LSM4: variants seen among roughly 807,000 people sequenced by gnomAD.
The protein encoded by LSM4 is U6 snRNA-associated Sm-like protein LSm4.
LSM4 carries 15 observed loss-of-function variants against 22.3 expected under a neutral mutation model. The observed-to-expected ratio is 0.67, with a 90% CI of 0.45 to 1.03. LSM4 has a LOEUF of 1.03. Among genes scored for constraint, LSM4 ranks in the 50% least tolerant of loss-of-function variants. The pLI, the probability that LSM4 is intolerant of heterozygous loss-of-function variation, is 0.00. For synonymous variants in LSM4, 90 were observed against 79.8 expected, an observed-to-expected ratio of 1.13 and a Z score of -0.68; for missense variants, 127 against 198.0, an observed-to-expected ratio of 0.64 and a Z score of 2.15.
At chr19:18,320,974 A>T (rs1970419170) in intron 1 of LSM4, among the ~76,000 whole-genome samples, 2 of 152,218 alleles carry the variant, frequency 1.3e-5, no homozygotes, top group South Asian at 4.1e-4. Context: ...ACCTAAACCC[A>T]GTGCCTCCTA....
chr19:18,311,220 C>T (rs1467549184), intron 3 of LSM4, among the ~76,000 whole-genome samples: 4 of 152,160 alleles, frequency 2.6e-5, no homozygotes, highest in African/African-American at 9.6e-5. Context: ...GGCCTGAGCT[C>T]ACTGCAGGGA....
At chr19:18,322,462 G>C (rs556765047) in intron 1 of LSM4, among the ~76,000 whole-genome samples, 1 of 152,220 alleles carries the variant, frequency 6.6e-6, no homozygotes, top group African/African-American at 2.4e-5. Flanking sequence ...GCCCCCTTCC[G>C]CTGGAATGAC....
intron 3 of LSM4, chr19:18,310,298 G>GC (rs965369894): frequency 9.9e-6 from 2 of 201,430 alleles, no homozygotes; most frequent in African/African-American, 2.4e-5. Context: ...TCCTGCCCCA[G>GC]CCCCACCTCA....
At chr19:18,321,938 G>A (rs1970429046) in intron 1 of LSM4, among the ~76,000 whole-genome samples, 1 of 152,080 alleles carries the variant, frequency 6.6e-6, no homozygotes, top group African/African-American at 2.4e-5. Flanking sequence ...TTCAAAACTC[G>A]GATCCCCTAA....
Position 18,306,842 on chromosome 19 carries a change from T to C in LSM4, c.*622A>G, listed in dbSNP as rs1435340632. The C allele has an allele frequency of 6.6e-6, 1 of 151,876 alleles. No homozygotes were observed. Among genetic ancestry groups the C allele is most frequent in the African/African-American group, 2.4e-5 (1 of 41,314 alleles). The allele number at this position is 151,876 out of a possible 1,614,324, so 9.4% of individuals were successfully genotyped here. On this transcript the variant is annotated 3_prime_UTR_variant, in exon 5 of 5. Transcript: ENST00000593829. ...TACGGGAACGGGGATTTCCTGAGAG[T>C]CCAGCGATGGACAGAGGGCAGGAGA...
chr19:18,312,973 C>T (rs1970314911), intron 2 of LSM4, among the ~76,000 whole-genome samples: 1 of 152,238 alleles, frequency 6.6e-6, no homozygotes, highest in Non-Finnish European at 1.5e-5. Flanking sequence ...GTAATCCCAG[C>T]ACTTTGGGAG....
intron 1 of LSM4, among the ~76,000 whole-genome samples, chr19:18,317,499 A>AT (rs565702932): frequency 2.7e-5 from 4 of 150,860 alleles, no homozygotes; most frequent in Non-Finnish European, 4.4e-5. Context: ...TGCCCGGCTA[A>AT]TTTTTTTTTA....
intron 1 of LSM4, 129 bp downstream of exon 1, chr19:18,322,889 G>C (rs1568301148): frequency 4.5e-6 from 6 of 1,344,566 alleles, no homozygotes; most frequent in African/African-American, 4.4e-5. Context: ...CTCGTGCCGG[G>C]GGGCGGGACT....
chr19:18,322,372 T>C (rs913554424), intron 1 of LSM4, among the ~76,000 whole-genome samples: 14 of 152,116 alleles, frequency 9.2e-5, no homozygotes, highest in African/African-American at 1.7e-4. Flanking sequence ...TCATAAACAA[T>C]GGGCCCTGCA....
intron 1 of LSM4, among the ~76,000 whole-genome samples, chr19:18,319,289 C>T (rs1055063749): frequency 2.6e-5 from 4 of 151,584 alleles, no homozygotes; most frequent in South Asian, 2.1e-4. Flanking sequence ...ACTGGCTAGG[C>T]GCCGTGGCTC....
intron 3 of LSM4, chr19:18,310,191 C>A: frequency 2.9e-6 from 1 of 349,040 alleles, no homozygotes; most frequent in South Asian, 4.1e-5. Flanking sequence ...TGGGATGGGG[C>A]TCTCTCTGGT....
At chr19:18,312,245 G>T in intron 3 of LSM4, 1 of 230,448 alleles carries the variant, frequency 4.3e-6, no homozygotes, top group South Asian at 5.9e-5. Flanking sequence ...GGCCCGCAGA[G>T]TGCAGGCAAC....
intron 1 of LSM4, among the ~76,000 whole-genome samples, chr19:18,322,766 G>A (rs1390148004): frequency 1.3e-5 from 2 of 151,974 alleles, no homozygotes; most frequent in African/African-American, 4.8e-5. Flanking sequence ...CTGCAAACTG[G>A]GAAAACTAAC....
intron 1 of LSM4, among the ~76,000 whole-genome samples, chr19:18,318,862 T>C (rs1304839122): frequency 2.0e-5 from 3 of 152,230 alleles, no homozygotes; most frequent in Admixed American, 1.3e-4. Context: ...CAGCGACCAA[T>C]AGCACAGCCT....
In LSM4 at chr19:18,313,939, C is replaced by T. The variant is rs916776291; in HGVS notation, c.46-1237G>A. On this transcript the variant is annotated intron_variant, in intron 2 of 4. Transcript: ENST00000593829. ...GGTTCAAGTGATTCTCCTGCCTCAA[C>T]CTCCCAAGTAGCTGGGATTACAGGC... Among the ~76,000 whole-genome samples the T allele has an allele frequency of 1.2e-4, 18 of 152,248 alleles. No individual in the cohort carries two copies. The East Asian group carries it at 3.3e-3, about 28-fold the overall frequency.
chr19:18,318,341 T>A (rs1284962948), intron 1 of LSM4, among the ~76,000 whole-genome samples: 1 of 152,130 alleles, frequency 6.6e-6, no homozygotes, highest in African/African-American at 2.4e-5. Flanking sequence ...CAGGGGAGGT[T>A]GGTGCCAGCA....
chr19:18,310,526 G>A (rs1453775318), intron 3 of LSM4, among the ~76,000 whole-genome samples: 1 of 152,172 alleles, frequency 6.6e-6, no homozygotes, highest in Non-Finnish European at 1.5e-5. Flanking sequence ...TGGAGAAATG[G>A]GGGCCTTGCA....
intron 1 of LSM4, 62 bp from the exon 2 acceptor site, chr19:18,316,127 T>C (rs781724426): frequency 2.0e-6 from 3 of 1,531,618 alleles, no homozygotes; most frequent in Non-Finnish European, 9.0e-7. Context: ...GCTCTGGTCT[T>C]GAGTCCCACC....
Position 18,306,305 on chromosome 19 carries a change from G to T in LSM4, c.*1159C>A, listed in dbSNP as rs1370464423. On this transcript the variant is annotated 3_prime_UTR_variant, in exon 5 of 5. Coordinates refer to ENST00000593829, the MANE Select transcript of LSM4 (RefSeq NM_012321.5). ...GGTCTCCGAACGAGGACCCTGAAGAGAAGGCTATGCAGGGGGACGGGCCGC... is the reference window on the plus strand; with the variant it reads ...GGTCTCCGAACGAGGACCCTGAAGATAAGGCTATGCAGGGGGACGGGCCGC... 6 of 152,214 alleles carry T rather than the reference G, an allele frequency of 3.9e-5. No homozygotes were observed. Among genetic ancestry groups the T allele is most frequent in the African/African-American group, 1.4e-4 (6 of 41,446 alleles). The allele number at this position is 152,214 out of a possible 1,614,324, so 9.4% of individuals were successfully genotyped here. A position where few individuals can be genotyped will look rare whatever the true frequency, so the allele number is the denominator to read the frequency against.
Sources: allele counts gnomAD v4.1 joint callset (sites outside exome capture counted in the v4.1 genomes callset), GRCh38; gene constraint gnomAD v4.1.1; transcripts MANE v1.5; gene names NCBI Gene and HGNC (gene_info 2026-07-23, HGNC 2026-07-21).